Variants in TENM2 observed in about 807,000 individuals in gnomAD.
The protein encoded by TENM2 is teneurin-2.
Under a neutral mutation model 245.2 loss-of-function variants are expected in TENM2, and 52 were observed. The ratio of observed to expected loss-of-function variants is 0.21; its 90% confidence interval spans 0.17 to 0.27. TENM2 has a LOEUF of 0.27. TENM2 is among the 10% of genes least tolerant of loss of function. The pLI is 1.00. For missense variants in TENM2, 3,046 were observed against 3,666.8 expected (o/e 0.83, Z 4.37); for synonymous variants, 1,363 against 1,438.9 (o/e 0.95, Z 1.19).
chr5:167,983,106 C>T (rs1782965025), intron 4 of TENM2, among the ~76,000 whole-genome samples: 1 of 151,954 alleles, frequency 6.6e-6, no homozygotes, highest in Non-Finnish European at 1.5e-5. Flanking sequence ...TTTTCTTCCC[C>T]TACTATATCA....
intron 2 of TENM2, among the ~76,000 whole-genome samples, chr5:167,473,387 G>A (rs1437227303): frequency 6.6e-6 from 1 of 152,154 alleles, no homozygotes; most frequent in Non-Finnish European, 1.5e-5. Flanking sequence ...GGCACTTTCA[G>A]CATCATATAA....
chr5:167,746,810 A>ATG (rs748096461), intron 2 of TENM2, among the ~76,000 whole-genome samples: 1 of 151,804 alleles, frequency 6.6e-6, no homozygotes, highest in South Asian at 2.1e-4. Context: ...ATCTGCAGAT[A>ATG]TGTGTGTGTG....
chr5:167,920,515 T>TCTCACA (rs374313857), intron 3 of TENM2, among the ~76,000 whole-genome samples: 15 of 129,456 alleles, frequency 1.2e-4, no homozygotes, highest in Non-Finnish European at 2.1e-4. Flanking sequence ...CGAAACTCCA[T>TCTCACA]CACACACACA....
At chr5:167,785,272 C>T (rs928649960) in intron 2 of TENM2, among the ~76,000 whole-genome samples, 1 of 152,114 alleles carries the variant, frequency 6.6e-6, no homozygotes, top group African/African-American at 2.4e-5. Context: ...TTATTTCTTC[C>T]CTTTTTCCTC....
At chr5:167,592,991 TTTTC>T (rs1775977762) in intron 2 of TENM2, among the ~76,000 whole-genome samples, 1 of 152,192 alleles carries the variant, frequency 6.6e-6, no homozygotes, top group Non-Finnish European at 1.5e-5. Context: ...ATTGTGGTCT[TTTTC>T]TTTGTTTTAA....
intron 2 of TENM2, among the ~76,000 whole-genome samples, chr5:167,534,696 C>T (rs1020246003): frequency 7.9e-5 from 12 of 151,978 alleles, no homozygotes; most frequent in South Asian, 4.2e-4. Flanking sequence ...ATTTGGTGTG[C>T]GGGATAGAGG....
chr5:168,015,404 C>T (rs533618650), intron 5 of TENM2, among the ~76,000 whole-genome samples: 1 of 152,282 alleles, frequency 6.6e-6, no homozygotes, highest in South Asian at 2.1e-4. Flanking sequence ...AGGCCCAGTA[C>T]CCGGGTAGCC....
At chr5:167,358,893 ACT>A (rs1346611570) in intron 1 of TENM2, among the ~76,000 whole-genome samples, 2 of 150,776 alleles carry the variant, frequency 1.3e-5, no homozygotes, top group Non-Finnish European at 1.5e-5. Context: ...ATAGATAGTA[ACT>A]CTCTCTTAGT....
At chr5:167,042,629 A>G in the TENM2 span, among the ~76,000 whole-genome samples, 15 of 152,240 alleles carry the variant, frequency 9.9e-5, no homozygotes, top group African/African-American at 3.6e-4. Flanking sequence ...CTATAAAGAC[A>G]TACATTTCCT....
chr5:167,683,812 T>G (rs539886877), intron 2 of TENM2, among the ~76,000 whole-genome samples: 31 of 152,342 alleles, frequency 2.0e-4, no homozygotes, highest in African/African-American at 7.2e-4. Flanking sequence ...ATGAATGGCC[T>G]GCCAGCTTCA....
At chr5:167,082,950 T>C in the TENM2 span, among the ~76,000 whole-genome samples, 1 of 152,016 alleles carries the variant, frequency 6.6e-6, no homozygotes, top group African/African-American at 2.4e-5. Flanking sequence ...TATTAATTGT[T>C]GGTGGCCATT....
At chr5:168,159,319 A>G (rs573939581) in intron 12 of TENM2, among the ~76,000 whole-genome samples, 1 of 152,264 alleles carries the variant, frequency 6.6e-6, no homozygotes, top group South Asian at 2.1e-4. Context: ...CCAAATGGGT[A>G]TGCTTTAAGG....
intron 2 of TENM2, among the ~76,000 whole-genome samples, chr5:167,656,915 T>G (rs770800315): frequency 2.6e-5 from 4 of 151,280 alleles, no homozygotes. Context: ...TCAGAGCAAT[T>G]CACGTATCTA....
intron 2 of TENM2, among the ~76,000 whole-genome samples, chr5:167,501,988 C>T (rs1769240325): frequency 6.6e-6 from 1 of 151,028 alleles, no homozygotes; most frequent in Admixed American, 6.6e-5. Flanking sequence ...TAGTGGGAAA[C>T]TTGGAAGTAA....
intron 5 of TENM2, among the ~76,000 whole-genome samples, chr5:168,041,060 G>A (rs1009899897): frequency 6.6e-6 from 1 of 152,064 alleles, no homozygotes; most frequent in African/African-American, 2.4e-5. Context: ...TGTCCTGTTC[G>A]GTCTTGTCTA....
At chr5:167,246,824 C>A in the TENM2 span, among the ~76,000 whole-genome samples, 1 of 151,790 alleles carries the variant, frequency 6.6e-6, no homozygotes, top group Non-Finnish European at 1.5e-5. Context: ...GTAGGAATGG[C>A]CAATTGTGGG....
chr5:167,311,596 C>T (rs917307447), intron 1 of TENM2, among the ~76,000 whole-genome samples: 8 of 152,190 alleles, frequency 5.3e-5, no homozygotes, highest in Non-Finnish European at 7.4e-5. Context: ...TTTTAGTTTT[C>T]GTGCGTTTTT....
At chr5:168,126,667 A>G (rs1529684) in intron 11 of TENM2, 87 bp from the exon 14 acceptor site, 343,966 of 1,111,672 alleles carry the variant, frequency 0.31, 56,290 homozygotes, top group East Asian at 0.59. Flanking sequence ...GGCCTGCTCC[A>G]GGGGTCTGGG....
the TENM2 span, among the ~76,000 whole-genome samples, chr5:167,260,988 T>C: frequency 6.6e-6 from 1 of 152,166 alleles, no homozygotes; most frequent in East Asian, 1.9e-4. Context: ...GTACTAGAAT[T>C]ATCCCATTTC....
Sources: allele counts gnomAD v4.1 joint callset (sites outside exome capture counted in the v4.1 genomes callset), GRCh38; gene constraint gnomAD v4.1.1; transcripts MANE v1.5; gene names NCBI Gene and HGNC (gene_info 2026-07-23, HGNC 2026-07-21).